Variants in ANGPT1 observed in about 807,000 individuals in gnomAD.
ANGPT1 encodes the protein angiopoietin-1.
ANGPT1 carries 17 observed loss-of-function variants against 62.2 expected under a neutral mutation model. That is an observed-to-expected ratio of 0.27 (90% CI 0.19 to 0.41). The LOEUF (loss-of-function observed/expected upper bound fraction) is 0.41. Ranked by LOEUF, ANGPT1 falls within the 10% of genes least tolerant of loss-of-function variation. The probability of loss-of-function intolerance (pLI) is 1.00; values close to 1 mark genes in which losing one functional copy is unlikely to be tolerated. For synonymous variants in ANGPT1, 199 were observed against 198.9 expected, an observed-to-expected ratio of 1.00 and a Z score of 0.00; for missense variants, 478 against 594.9, an observed-to-expected ratio of 0.80 and a Z score of 2.04.
intron 1 of ANGPT1, among the ~76,000 whole-genome samples, chr8:107,467,960 C>A (rs1194968773): frequency 3.3e-5 from 5 of 152,082 alleles, no homozygotes; most frequent in Admixed American, 3.3e-4. Flanking sequence ...AAATCTGATG[C>A]TCGGAAAGAG....
chr8:107,376,172 T>C (rs1816527148), intron 1 of ANGPT1, among the ~76,000 whole-genome samples: 1 of 152,222 alleles, frequency 6.6e-6, no homozygotes, highest in South Asian at 2.1e-4. Flanking sequence ...GTCCCTCTTG[T>C]TCCATGCCTA....
intron 6 of ANGPT1, among the ~76,000 whole-genome samples, chr8:107,285,176 A>G (rs1227370040): frequency 6.6e-6 from 1 of 152,130 alleles, no homozygotes; most frequent in Non-Finnish European, 1.5e-5. Context: ...ATGTTTCTAA[A>G]TTACTAGTTA....
At chr8:107,322,288 T>C (rs915708427) in intron 3 of ANGPT1, among the ~76,000 whole-genome samples, 160 bp from the exon 4 acceptor site, 6 of 151,786 alleles carry the variant, frequency 4.0e-5, no homozygotes, top group African/African-American at 1.4e-4. Context: ...TTCTTCAGAA[T>C]AGGAGTTACA....
chr8:107,366,279 C>T (rs754702775), intron 1 of ANGPT1, among the ~76,000 whole-genome samples: 6 of 152,150 alleles, frequency 3.9e-5, no homozygotes, highest in Non-Finnish European at 8.8e-5. Context: ...CTTGTGCAGA[C>T]AGGAAATGGG....
chr8:107,478,104 A>G (rs546731922), intron 1 of ANGPT1, among the ~76,000 whole-genome samples: 214 of 150,726 alleles, frequency 1.4e-3, no homozygotes, highest in African/African-American at 4.9e-3. Context: ...ATTTCTAAAG[A>G]TCTTTTTATA....
At chr8:107,381,887 C>T (rs774354281) in intron 1 of ANGPT1, among the ~76,000 whole-genome samples, 22 of 152,152 alleles carry the variant, frequency 1.4e-4, no homozygotes, top group Non-Finnish European at 2.1e-4. Flanking sequence ...GCTTCTTTGC[C>T]TGGTCCATAG....
At chr8:107,480,832 T>C (rs1435499323) in intron 1 of ANGPT1, among the ~76,000 whole-genome samples, 2 of 152,140 alleles carry the variant, frequency 1.3e-5, no homozygotes, top group Non-Finnish European at 2.9e-5. Flanking sequence ...TAACAGGAGA[T>C]AGAACATGGC....
chr8:107,315,748 C>T (rs899790355), intron 4 of ANGPT1, among the ~76,000 whole-genome samples: 3 of 152,026 alleles, frequency 2.0e-5, no homozygotes, highest in African/African-American at 7.2e-5. Context: ...TAAATGCTCT[C>T]AAATTGTACA....
intron 1 of ANGPT1, among the ~76,000 whole-genome samples, chr8:107,385,611 A>G (rs980727488): frequency 6.6e-6 from 1 of 151,978 alleles, no homozygotes; most frequent in Non-Finnish European, 1.5e-5. Context: ...TCCTGTTAGC[A>G]TGCCTTTTAT....
chr8:107,453,423 A>C (rs1811830627), intron 1 of ANGPT1, among the ~76,000 whole-genome samples: 1 of 152,030 alleles, frequency 6.6e-6, no homozygotes, highest in Non-Finnish European at 1.5e-5. Flanking sequence ...GTGGAAGGCA[A>C]GGAGGAGCAA....
At chr8:107,261,775 T>C (rs1813497933) in intron 8 of ANGPT1, among the ~76,000 whole-genome samples, 1 of 151,972 alleles carries the variant, frequency 6.6e-6, no homozygotes, top group South Asian at 2.1e-4. Flanking sequence ...AGGTTAGTTT[T>C]GATAATATTG....
chr8:107,371,954 C>A (rs190285248), intron 1 of ANGPT1, among the ~76,000 whole-genome samples: 1 of 151,870 alleles, frequency 6.6e-6, no homozygotes, highest in African/African-American at 2.4e-5. Flanking sequence ...TCTCAGGGAG[C>A]CTTATAAGCT....
intron 4 of ANGPT1, among the ~76,000 whole-genome samples, chr8:107,305,533 A>G (rs1814694206): frequency 6.6e-6 from 1 of 152,004 alleles, no homozygotes; most frequent in Non-Finnish European, 1.5e-5. Context: ...AAAAAAGGAA[A>G]AAGTTGGGTA....
intron 4 of ANGPT1, among the ~76,000 whole-genome samples, chr8:107,306,926 G>C (rs1032890767): frequency 2.0e-5 from 3 of 151,986 alleles, no homozygotes; most frequent in African/African-American, 7.2e-5. Flanking sequence ...AGATTTGATG[G>C]AAGAGTAAAA....
chr8:107,287,821 C>T (rs994346288), intron 6 of ANGPT1, among the ~76,000 whole-genome samples: 1 of 152,078 alleles, frequency 6.6e-6, no homozygotes, highest in Non-Finnish European at 1.5e-5. Context: ...TCTCTGTCTG[C>T]AAAACAGGGA....
chr8:107,324,858 A>G (rs1815249032), intron 3 of ANGPT1, among the ~76,000 whole-genome samples: 1 of 152,164 alleles, frequency 6.6e-6, no homozygotes, highest in Admixed American at 6.6e-5. Flanking sequence ...TCTGTTTTGA[A>G]TTGCTTTCAT....
intron 1 of ANGPT1, among the ~76,000 whole-genome samples, chr8:107,479,140 A>T (rs1462491984): frequency 1.3e-5 from 2 of 149,798 alleles, no homozygotes; most frequent in Non-Finnish European, 3.0e-5. Context: ...TATCTTCCAG[A>T]TTTTTTTTTT....
At chr8:107,454,828 G>T (rs564092675) in intron 1 of ANGPT1, among the ~76,000 whole-genome samples, 12 of 151,994 alleles carry the variant, frequency 7.9e-5, no homozygotes, top group Admixed American at 7.2e-4. Flanking sequence ...GTGTTAAAGG[G>T]GTCTGTAAAA....
intron 1 of ANGPT1, among the ~76,000 whole-genome samples, chr8:107,461,451 T>C (rs1308618822): frequency 6.6e-6 from 1 of 152,148 alleles, no homozygotes; most frequent in Non-Finnish European, 1.5e-5. Context: ...TTTTAATTTG[T>C]CCAAGTCAGG....
Sources: allele counts gnomAD v4.1 joint callset (sites outside exome capture counted in the v4.1 genomes callset), GRCh38; gene constraint gnomAD v4.1.1; transcripts MANE v1.5; gene names NCBI Gene and HGNC (gene_info 2026-07-23, HGNC 2026-07-21).